The following ZBTB46 variants were observed in gnomAD, a reference collection of about 807,000 sequenced individuals.
ZBTB46 encodes zinc finger and BTB domain containing 46.
In ZBTB46, 8 loss-of-function variants were observed where a neutral mutation model predicts 44.1. That is an observed-to-expected ratio of 0.18 (90% CI 0.11 to 0.33). The LOEUF is 0.33. Ranked by LOEUF, ZBTB46 falls within the 10% of genes least tolerant of loss-of-function variation. The probability of loss-of-function intolerance (pLI) is 1.00; values close to 1 mark genes in which losing one functional copy is unlikely to be tolerated. For synonymous variants in ZBTB46, 409 were observed against 382.3 expected, an observed-to-expected ratio of 1.07 and a Z score of -0.81; for missense variants, 651 against 847.7, an observed-to-expected ratio of 0.77 and a Z score of 2.88.
intron 1 of ZBTB46, among the ~76,000 whole-genome samples, chr20:63,824,570 G>A (rs116870978): frequency 0.036 from 5,485 of 151,410 alleles, 146 homozygotes; most frequent in Non-Finnish European, 0.055. Flanking sequence ...CAACTCAGAG[G>A]TTCTAATCCC....
Position 63,747,087 on chromosome 20 carries a change from G to A in ZBTB46, c.1613C>T (p.Pro538Leu), listed in dbSNP as rs761268813. 1.2e-6 allele frequency: 2 copies of A among 1,609,494 alleles called. No individual in the cohort carries two copies. The highest frequency in any genetic ancestry group is 1.3e-5 in the African/African-American group (1 of 74,976). Residue 538 changes from proline (P) to leucine (L), a missense_variant, in exon 5 of 5, where the codon CCT becomes CTT. Pro to Leu is a moderately conservative substitution (Grantham distance 98). Transcript: ENST00000245663. ...CTCCGCCTCCCCTCGTGGGTCCTCA[G>A]GGTCCTCCAGATAGGGCCCGTCGCC... is the stretch of plus-strand genomic sequence containing the variant. ...FPGDGPYLEDPEDPRGEAEEL... is the reference protein window; with the variant it reads ...FPGDGPYLEDLEDPRGEAEEL...
chr20:63,801,628 G>A (rs983430260), intron 1 of ZBTB46, among the ~76,000 whole-genome samples: 9 of 152,148 alleles, frequency 5.9e-5, no homozygotes, highest in Admixed American at 3.9e-4. Context: ...AAGACTCACC[G>A]TGAAGGTCTG....
Position 63,787,516 on chromosome 20 carries a change from T to C in ZBTB46, c.937+2305A>G, listed in dbSNP as rs1404259296. Among the ~76,000 whole-genome samples, 1 of 152,144 alleles carries C rather than the reference T, an allele frequency of 6.6e-6. No individual in the cohort carries two copies. Among genetic ancestry groups the C allele is most frequent in the African/African-American group, 2.4e-5 (1 of 41,430 alleles). On this transcript the variant is annotated intron_variant, in intron 2 of 4. Coordinates refer to ENST00000245663, the MANE Select transcript of ZBTB46 (RefSeq NM_001369741.1). The surrounding 1 kb of genome is among the most constrained non-coding windows in gnomAD (Gnocchi z 4.6). ...TATACCCTATTTTTACAGCACCCTT[T>C]CTATGTTTAGACACACAAACACTTC...
chr20:63,824,187 G>T (rs1219358863), intron 1 of ZBTB46, among the ~76,000 whole-genome samples: 1 of 152,100 alleles, frequency 6.6e-6, no homozygotes, highest in African/African-American at 2.4e-5. Flanking sequence ...TCCGAGTCTT[G>T]TGGGTCTGCA....
At chr20:63,792,218 G>A (rs1417261067) in intron 1 of ZBTB46, among the ~76,000 whole-genome samples, 2 of 152,118 alleles carry the variant, frequency 1.3e-5, no homozygotes, top group Admixed American at 6.6e-5. Flanking sequence ...CAGACAAATC[G>A]TAAGGGGACA....
rs141747837 is a variant in ZBTB46, at chr20:63,759,061, TCTC to T, written c.1223-6203_1223-6201del. The stretch of plus-strand genomic sequence containing the variant: ...TTCACATCTTAACAATAGTGAGTCT[TCTC>T]CTCCATGAACATAGTATCTCCCTTC... On this transcript the variant is annotated intron_variant, in intron 3 of 4. Transcript: ENST00000245663. Among the ~76,000 whole-genome samples the T allele has an allele frequency of 7.9e-3, 1,196 of 152,278 alleles. 16 individuals carry two copies. Among genetic ancestry groups the T allele is most frequent in the African/African-American group, 0.027 (1,136 of 41,544 alleles).
At chr20:63,815,217 TGCAAGTGCAGTGAGTGCAATGGGTGC>T in intron 1 of ZBTB46, 1 of 231,304 alleles carries the variant, frequency 4.3e-6, no homozygotes, top group South Asian at 4.1e-5. Flanking sequence ...TGGGCACGAG[TGCAAGTGCAGTGAGTGCAATGGGTGC>T]AGGTGCAGTG....
chr20:63,819,740 T>C (rs2092780402), intron 1 of ZBTB46, among the ~76,000 whole-genome samples: 1 of 152,128 alleles, frequency 6.6e-6, no homozygotes, highest in African/African-American at 2.4e-5. Flanking sequence ...ATATCAGAGT[T>C]AGTGCCACCT....
chr20:63,755,706 G>A (rs2092214566), intron 3 of ZBTB46, among the ~76,000 whole-genome samples: 1 of 146,728 alleles, frequency 6.8e-6, no homozygotes, highest in South Asian at 2.2e-4. Flanking sequence ...ATTTCTTACT[G>A]GAAACAACAC....
chr20:63,777,199 G>T (rs901470500), intron 2 of ZBTB46, among the ~76,000 whole-genome samples: 1 of 152,156 alleles, frequency 6.6e-6, no homozygotes, highest in Non-Finnish European at 1.5e-5. Flanking sequence ...GCCAGGCACC[G>T]TGGCTCACGC....
At position 63,786,640 on chromosome 20, in the gene ZBTB46, C is replaced by T. The variant is rs535073197; in HGVS notation, c.937+3181G>A. On this transcript the variant is annotated intron_variant, in intron 2 of 4. Coordinates refer to ENST00000245663, the MANE Select transcript of ZBTB46 (RefSeq NM_001369741.1). ...GATTCTCCTGCCTCAGCTTCCTGAG[C>T]AGCTGGGACTACAGGCGCGCACCAC... 3.3e-5 allele frequency among the ~76,000 whole-genome samples: 5 copies of T among 152,174 alleles called. No homozygotes were observed. In the South Asian group the frequency reaches 6.2e-4, roughly 19 times the overall value.
At chr20:63,759,382 ATTTCTT>A (rs1332897656) in intron 3 of ZBTB46, among the ~76,000 whole-genome samples, 1 of 151,710 alleles carries the variant, frequency 6.6e-6, no homozygotes, top group African/African-American at 2.4e-5. Context: ...CCTTCCATTC[ATTTCTT>A]TTTCTTTTTT....
Position 63,803,325 on chromosome 20 carries a change from A to G in ZBTB46, c.-33-12535T>C. On this transcript the variant is annotated intron_variant, in intron 1 of 4. Transcript: ENST00000245663. The surrounding 1 kb of genome is among the most constrained non-coding windows in gnomAD (Gnocchi z 4.0). The stretch of plus-strand genomic sequence containing the variant: ...CTGTCGTACAAATTAAATTTCATAT[A>G]CATCATATTACCATTGTTCGTGGTC... The G allele has an allele frequency of 2.0e-6, 2 of 985,414 alleles. No individual in the cohort carries two copies. Among genetic ancestry groups the G allele is most frequent in the Non-Finnish European group, 2.4e-6 (2 of 829,890 alleles). 61.0% of individuals were successfully genotyped at this position (985,414 alleles called of 1,614,324 possible).
At chr20:63,831,490 C>T (rs1406996690), upstream of ZBTB46, among the ~76,000 whole-genome samples, 5 of 146,058 alleles carry the variant, frequency 3.4e-5, no homozygotes, top group African/African-American at 4.9e-5. Flanking sequence ...GGGGCCGCGC[C>T]GGGGGTCCGT....
At position 63,798,685 on chromosome 20, in the gene ZBTB46, A is replaced by AAAAAAAACAAAAAAAAAAC. The variant is rs1555851218; in HGVS notation, c.-33-7896_-33-7895insGTTTTTTTTTTGTTTTTTT. On this transcript the variant is annotated intron_variant, in intron 1 of 4. Transcript: ENST00000245663. ...GCTAGACTCTGTCTCAAAAAAAAAA[A>AAAAAAAACAAAAAAAAAAC]AAAAAAAATTAGCTGGGCATGGTAG... Among the ~76,000 whole-genome samples, 421 of 127,924 alleles carry AAAAAAAACAAAAAAAAAAC rather than the reference A, an allele frequency of 3.3e-3. 28 individuals are homozygous for AAAAAAAACAAAAAAAAAAC. Among genetic ancestry groups the AAAAAAAACAAAAAAAAAAC allele is most frequent in the African/African-American group, 0.013 (406 of 31,258 alleles). The allele number at this position is 127,924 out of a possible 152,430, so 83.9% of individuals were successfully genotyped here. A position where few individuals can be genotyped will look rare whatever the true frequency, so the allele number is the denominator to read the frequency against.
Position 63,808,976 on chromosome 20 carries a change from CAAAAA to C in ZBTB46, c.-33-18191_-33-18187del, listed in dbSNP as rs1157399042. 5.7e-4 allele frequency among the ~76,000 whole-genome samples: 43 copies of C among 75,230 alleles called. 1 individual carries two copies. Among genetic ancestry groups the C allele is most frequent in the African/African-American group, 7.2e-4 (16 of 22,236 alleles). 49.4% of individuals were successfully genotyped at this position (75,230 alleles called of 152,430 possible). A position where few individuals can be genotyped will look rare whatever the true frequency, so the allele number is the denominator to read the frequency against. ...TGGGCGGCAGAGCGAGACTCCGCTT[CAAAAA>C]AAAAAAAAAAAAAAAAAAGAAAAAG... On this transcript the variant is annotated intron_variant, in intron 1 of 4. Coordinates refer to ENST00000245663, the MANE Select transcript of ZBTB46 (RefSeq NM_001369741.1).
At chr20:63,825,909 C>T (rs1378328640) in intron 1 of ZBTB46, among the ~76,000 whole-genome samples, 2 of 152,340 alleles carry the variant, frequency 1.3e-5, no homozygotes, top group Non-Finnish European at 1.5e-5. Context: ...GTCCATCCGG[C>T]GGGTGACCCA....
Position 63,752,883 on chromosome 20 carries a change from G to A in ZBTB46, c.1223-22C>T. 1.3e-6 allele frequency: 2 copies of A among 1,579,928 alleles called. No individual in the cohort carries two copies. Among genetic ancestry groups the A allele is most frequent in the Non-Finnish European group, 1.7e-6 (2 of 1,157,618 alleles). ...TTCACTGAAAGAGAGGGACCCGCGA[G>A]GCGTCAGCAGGGCTTGGGATGTACC... On this transcript the variant is annotated intron_variant, in intron 3 of 4. Coordinates refer to ENST00000245663, the MANE Select transcript of ZBTB46 (RefSeq NM_001369741.1). This position sits in a 1 kb window ranked among gnomAD's most constrained non-coding sequence, Gnocchi z 5.6.
chr20:63,812,379 T>G lies in ZBTB46; in HGVS notation c.-34+18718A>C, dbSNP rs369820227. On this transcript the variant is annotated intron_variant, in intron 1 of 4. Coordinates refer to ENST00000245663, the MANE Select transcript of ZBTB46 (RefSeq NM_001369741.1). The stretch of plus-strand genomic sequence containing the variant: ...AAAAAATTAGCCGGGCAATGTGGTG[T>G]GCACCTGTAATCCCAGCACTTTGGG... 8.7e-5 allele frequency among the ~76,000 whole-genome samples: 13 copies of G among 149,328 alleles called. No homozygotes were observed. The East Asian group carries it at 2.4e-3, about 27-fold the overall frequency.
Sources: gnomAD v4.1 joint callset for allele counts (sites outside exome capture counted in the v4.1 genomes callset) on GRCh38, gnomAD v4.1.1 for gene constraint, Gnocchi (gnomAD v3.1) non-coding constraint, MANE v1.5 for transcripts, NCBI Gene and HGNC (gene_info 2026-07-23, HGNC 2026-07-21) for gene names.